The following LYRM4 variants were observed in gnomAD, a reference collection of about 807,000 sequenced individuals.
The protein encoded by LYRM4 is LYR motif-containing protein 4.
Under a neutral mutation model 11.7 loss-of-function variants are expected in LYRM4, and 9 were observed. That is an observed-to-expected ratio of 0.77 (90% CI 0.46 to 1.34). The LOEUF is 1.34. Ranked by LOEUF, LYRM4 falls within the 40% of genes most tolerant of loss-of-function variation. The pLI, the probability that LYRM4 is intolerant of heterozygous loss-of-function variation, is 0.00. For synonymous variants in LYRM4, 42 were observed against 40.4 expected, an observed-to-expected ratio of 1.04 and a Z score of -0.15; for missense variants, 133 against 112.5, an observed-to-expected ratio of 1.18 and a Z score of -0.82.
the LYRM4 span, chr6:5,085,526 G>C: frequency 2.6e-6 from 4 of 1,538,766 alleles, no homozygotes; most frequent in Admixed American, 2.0e-5. Flanking sequence ...GAGGCGCCGG[G>C]ACCAGCGCCC....
the LYRM4 span, chr6:5,053,931 G>A: frequency 7.4e-5 from 12 of 162,616 alleles, no homozygotes; most frequent in African/African-American, 2.9e-4. Flanking sequence ...CTCCCAGAAT[G>A]TATTTTAATT....
At chr6:5,192,593 G>A (rs1317315531) in intron 2 of LYRM4, among the ~76,000 whole-genome samples, 1 of 152,192 alleles carries the variant, frequency 6.6e-6, no homozygotes, top group Non-Finnish European at 1.5e-5. Flanking sequence ...GAATGCCTGT[G>A]AGGGGCACCA....
chr6:5,158,183 A>G lies in LYRM4; in HGVS notation c.208-48692T>C, dbSNP rs548906636. ...TGTGAATGCATGCATGTATGTTCACAGTATGCATGCATATACACTTATGTG... is the reference window on the plus strand; with the variant it reads ...TGTGAATGCATGCATGTATGTTCACGGTATGCATGCATATACACTTATGTG... On this transcript the variant is annotated intron_variant, in intron 2 of 2. Transcript: ENST00000330636. Among the ~76,000 whole-genome samples the G allele has an allele frequency of 3.9e-5, 6 of 152,382 alleles. No individual in the cohort carries two copies. The South Asian group carries it at 1.0e-3, about 26-fold the overall frequency.
chr6:5,085,802 C>A, the LYRM4 span: 2 of 1,527,894 alleles, frequency 1.3e-6, no homozygotes, highest in Non-Finnish European at 1.8e-6. Flanking sequence ...CAGCAACAGG[C>A]GGTGGCACTG....
intron 2 of LYRM4, among the ~76,000 whole-genome samples, chr6:5,199,346 G>A (rs1761251974): frequency 6.6e-6 from 1 of 152,182 alleles, no homozygotes; most frequent in Non-Finnish European, 1.5e-5. Flanking sequence ...ACTGATGATT[G>A]GCTAGGGCTA....
intron 2 of LYRM4, among the ~76,000 whole-genome samples, chr6:5,203,978 A>G (rs1355062747): frequency 6.6e-6 from 1 of 152,218 alleles, no homozygotes; most frequent in East Asian, 1.9e-4. Flanking sequence ...CTGAACACTT[A>G]TCATGGGCCC....
At position 5,108,890 on chromosome 6, in the gene LYRM4, G is replaced by A. The variant is rs893481771; in HGVS notation, c.*533C>T. On this transcript the variant is annotated 3_prime_UTR_variant, in exon 3 of 3. Transcript: ENST00000330636. ...GTTGCAGGGTGCACCGTGTATCCCCGTAGCCCTGCCCTACTCCATGCTGCC... is the reference window on the plus strand; with the variant it reads ...GTTGCAGGGTGCACCGTGTATCCCCATAGCCCTGCCCTACTCCATGCTGCC... The A allele has an allele frequency of 1.0e-4, 99 of 989,820 alleles. No individual in the cohort carries two copies. Among genetic ancestry groups the A allele is most frequent in the Non-Finnish European group, 1.2e-4 (98 of 832,380 alleles). The allele number at this position is 989,820 out of a possible 1,614,324, so 61.3% of individuals were successfully genotyped here. A position where few individuals can be genotyped will look rare whatever the true frequency, so the allele number is the denominator to read the frequency against.
At chr6:5,187,604 G>A (rs1445072183) in intron 2 of LYRM4, among the ~76,000 whole-genome samples, 1 of 152,104 alleles carries the variant, frequency 6.6e-6, no homozygotes, top group Non-Finnish European at 1.5e-5. Context: ...GGGCCTGTCG[G>A]GGGGTTGGGG....
chr6:5,219,989 A>G (rs1317464569), intron 1 of LYRM4, among the ~76,000 whole-genome samples: 1 of 152,100 alleles, frequency 6.6e-6, no homozygotes, highest in African/African-American at 2.4e-5. Context: ...TCGCACACAC[A>G]CTGCCCTTTC....
At chr6:5,252,342 G>A (rs1019729168) in intron 1 of LYRM4, among the ~76,000 whole-genome samples, 1 of 152,194 alleles carries the variant, frequency 6.6e-6, no homozygotes, top group Non-Finnish European at 1.5e-5. Context: ...CAATCAAGTT[G>A]CTTCTCCTCT....
chr6:5,146,729 G>A (rs1757749378), intron 2 of LYRM4, among the ~76,000 whole-genome samples: 1 of 152,202 alleles, frequency 6.6e-6, no homozygotes, highest in South Asian at 2.1e-4. Context: ...GGCTAGAGGA[G>A]GGGGTTCCTG....
At chr6:5,209,425 T>C (rs1262105898) in intron 2 of LYRM4, among the ~76,000 whole-genome samples, 1 of 152,256 alleles carries the variant, frequency 6.6e-6, no homozygotes, top group Non-Finnish European at 1.5e-5. Context: ...ATTACATTTT[T>C]ATTGCACCCA....
chr6:5,223,035 G>C lies in LYRM4; in HGVS notation c.87-6297C>G, dbSNP rs34538064. Among the ~76,000 whole-genome samples, 1,366 of 152,288 alleles carry C rather than the reference G, an allele frequency of 9.0e-3. 25 individuals carry two copies. Among genetic ancestry groups the C allele is most frequent in the African/African-American group, 0.03 (1,235 of 41,556 alleles). The stretch of plus-strand genomic sequence containing the variant: ...GTCCCAGAAGTGATTATAAAAAATT[G>C]AGAAGACTCATCGTTGAAATTTAAC... On this transcript the variant is annotated intron_variant, in intron 1 of 2. Transcript: ENST00000330636.
the LYRM4 span, among the ~76,000 whole-genome samples, chr6:5,083,574 C>T: frequency 1.3e-5 from 2 of 152,166 alleles, no homozygotes; most frequent in Non-Finnish European, 2.9e-5. Flanking sequence ...TGAAAGCCAC[C>T]CTGTGGGGCC....
At chr6:5,230,107 G>A (rs968861968) in intron 1 of LYRM4, among the ~76,000 whole-genome samples, 5 of 152,186 alleles carry the variant, frequency 3.3e-5, no homozygotes, top group Non-Finnish European at 7.3e-5. Context: ...GCAGCCGCGA[G>A]GTCTCTGGCT....
chr6:5,073,178 C>T, the LYRM4 span, among the ~76,000 whole-genome samples: 513 of 151,980 alleles, frequency 3.4e-3, 1 homozygote, highest in Non-Finnish European at 5.2e-3. Context: ...GGCCAGAGTT[C>T]GAGACCAGCC....
intron 2 of LYRM4, among the ~76,000 whole-genome samples, chr6:5,154,679 C>G (rs563655723): frequency 1.3e-5 from 2 of 152,096 alleles, no homozygotes; most frequent in African/African-American, 4.8e-5. Flanking sequence ...ATTAGCCGGG[C>G]GTGGTGTCAC....
intron 2 of LYRM4, chr6:5,186,888 G>A: frequency 2.3e-6 from 1 of 425,696 alleles, no homozygotes; most frequent in South Asian, 2.6e-5. Context: ...GGAGGCTGAG[G>A]CAGGAGAATT....
chr6:5,245,163 T>TATATATATATATATATAA (rs1373926501), intron 1 of LYRM4, among the ~76,000 whole-genome samples: 1 of 65,248 alleles, frequency 1.5e-5, no homozygotes, highest in Non-Finnish European at 2.9e-5. Context: ...TATATATATA[T>TATATATATATATATATAA]AAAATAGGTG....
Sources: allele counts gnomAD v4.1 joint callset (sites outside exome capture counted in the v4.1 genomes callset), GRCh38; gene constraint gnomAD v4.1.1; transcripts MANE v1.5; gene names NCBI Gene and HGNC (gene_info 2026-07-23, HGNC 2026-07-21).